KCNJ3: variants seen among roughly 807,000 people sequenced by gnomAD.
The protein encoded by KCNJ3 is G protein-activated inward rectifier potassium channel 1.
A neutral mutation model predicts 39.2 loss-of-function variants in KCNJ3; 4 were observed. The ratio of observed to expected loss-of-function variants is 0.10; its 90% CI spans 0.05 to 0.23. The LOEUF is 0.23. KCNJ3 is among the 10% of genes least tolerant of loss of function. KCNJ3 has a pLI of 1.00. For missense variants in KCNJ3, 276 were observed against 634.9 expected (o/e 0.43, Z 6.08); for synonymous variants, 230 against 237.4 (o/e 0.97, Z 0.29).
intron 2 of KCNJ3, among the ~76,000 whole-genome samples, chr2:154,829,060 G>A (rs539316456): frequency 6.6e-6 from 1 of 152,168 alleles, no homozygotes; most frequent in Admixed American, 6.5e-5. Flanking sequence ...TAAAGTGGAG[G>A]TTAAAAATAT....
At chr2:154,717,393 C>T (rs1280925344) in intron 2 of KCNJ3, among the ~76,000 whole-genome samples, 1 of 152,144 alleles carries the variant, frequency 6.6e-6, no homozygotes, top group Non-Finnish European at 1.5e-5. Context: ...ATGCCTCTGG[C>T]TCCAGGTGGA....
chr2:154,780,459 T>C (rs1686417823), intron 2 of KCNJ3, among the ~76,000 whole-genome samples: 1 of 152,024 alleles, frequency 6.6e-6, no homozygotes, highest in Admixed American at 6.6e-5. Flanking sequence ...GCATTATCAG[T>C]GTGAAGGGTG....
chr2:154,743,014 G>T (rs1685678109), intron 2 of KCNJ3, among the ~76,000 whole-genome samples: 1 of 151,686 alleles, frequency 6.6e-6, no homozygotes, highest in Non-Finnish European at 1.5e-5. Flanking sequence ...TTACATATAG[G>T]TCTTTGATTC....
chr2:154,829,573 T>C (rs1456693743), intron 2 of KCNJ3, among the ~76,000 whole-genome samples: 1 of 152,164 alleles, frequency 6.6e-6, no homozygotes, highest in Non-Finnish European at 1.5e-5. Context: ...CTATTGTGAA[T>C]AGTGCTGCAA....
chr2:154,740,883 G>T (rs1301538262), intron 2 of KCNJ3, among the ~76,000 whole-genome samples: 2 of 151,916 alleles, frequency 1.3e-5, no homozygotes, highest in Non-Finnish European at 2.9e-5. Context: ...TTGCAAATAA[G>T]AGCAGTACCA....
intron 2 of KCNJ3, among the ~76,000 whole-genome samples, chr2:154,744,997 A>G (rs1685715319): frequency 6.6e-6 from 1 of 151,794 alleles, no homozygotes; most frequent in African/African-American, 2.4e-5. Flanking sequence ...CGGACTATTT[A>G]GAAGTATGTT....
chr2:154,751,049 A>G (rs912427764), intron 2 of KCNJ3, among the ~76,000 whole-genome samples: 1 of 151,994 alleles, frequency 6.6e-6, no homozygotes, highest in African/African-American at 2.4e-5. Flanking sequence ...GGTTCGGTGT[A>G]TACTTCTCGG....
rs1309977340 is a variant in KCNJ3, at chr2:154,855,256, G to A, written c.1449G>A (p.Arg483=). 2.5e-6 allele frequency: 4 copies of A among 1,613,550 alleles called. No homozygotes were observed. Among genetic ancestry groups the A allele is most frequent in the East Asian group, 4.5e-5 (2 of 44,782 alleles). ...AAAAGATGGCTGGAGGAGCAGCTAG[G>A]ATGGAAGGGAACCTTCCAGCCAAAT... ...KLQKMAGGAA[R]MEGNLPAKLR... The change falls in exon 3 of 3, where the codon AGG becomes AGA. Residue 483 remains arginine, a synonymous_variant. Transcript: ENST00000295101.
intron 2 of KCNJ3, among the ~76,000 whole-genome samples, chr2:154,801,857 G>A (rs935651360): frequency 2.6e-5 from 4 of 152,056 alleles, no homozygotes; most frequent in Non-Finnish European, 5.9e-5. Context: ...GAACTACTGG[G>A]CTCAAGCGAT....
chr2:154,837,647 A>AATC (rs1176746224), intron 2 of KCNJ3, among the ~76,000 whole-genome samples: 1 of 152,162 alleles, frequency 6.6e-6, no homozygotes, highest in East Asian at 1.9e-4. Context: ...GGAATGCATT[A>AATC]ATCATCTCAT....
chr2:154,851,206 C>A (rs192895454), intron 2 of KCNJ3, among the ~76,000 whole-genome samples: 305 of 152,048 alleles, frequency 2.0e-3, no homozygotes, highest in African/African-American at 7.1e-3. Context: ...CCCACCACTG[C>A]ACTCCAGCCT....
At chr2:154,833,881 T>TTA (rs2105122134) in intron 2 of KCNJ3, among the ~76,000 whole-genome samples, 1 of 152,326 alleles carries the variant, frequency 6.6e-6, no homozygotes, top group African/African-American at 2.4e-5. Flanking sequence ...TATTTTTTTT[T>TTA]ATTACTAAAT....
chr2:154,771,276 G>A lies in KCNJ3; in HGVS notation c.919+61457G>A, dbSNP rs376197308. ...AAAAGCTATTGATTCTGTCCCCCAT[G>A]TAAAACAGGGCTTTTTAATCAATGA... On this transcript the variant is annotated intron_variant, in intron 2 of 2. Coordinates refer to ENST00000295101, the MANE Select transcript of KCNJ3 (RefSeq NM_002239.4). 2.3e-4 allele frequency among the ~76,000 whole-genome samples: 35 copies of A among 152,262 alleles called. No individual in the cohort carries two copies. In the South Asian group the frequency reaches 3.9e-3, roughly 17 times the overall value.
intron 2 of KCNJ3, among the ~76,000 whole-genome samples, chr2:154,757,831 C>A (rs946398755): frequency 6.6e-6 from 1 of 152,110 alleles, no homozygotes; most frequent in Non-Finnish European, 1.5e-5. Flanking sequence ...AGCAAGGGAG[C>A]TCCCTGGAAC....
intron 2 of KCNJ3, among the ~76,000 whole-genome samples, chr2:154,756,343 A>C (rs1685935856): frequency 6.6e-6 from 1 of 152,166 alleles, no homozygotes; most frequent in Non-Finnish European, 1.5e-5. Flanking sequence ...TGTATTATGT[A>C]CTTATGCTCT....
chr2:154,806,538 A>C (rs1686913729), intron 2 of KCNJ3, among the ~76,000 whole-genome samples: 1 of 152,156 alleles, frequency 6.6e-6, no homozygotes, highest in Admixed American at 6.6e-5. Context: ...AGCTAGAAAA[A>C]CTGCTAAGTA....
chr2:154,768,309 T>C (rs1263837637), intron 2 of KCNJ3, among the ~76,000 whole-genome samples: 1 of 152,248 alleles, frequency 6.6e-6, no homozygotes, highest in African/African-American at 2.4e-5. Flanking sequence ...CTAGGGTTTT[T>C]ATGGTTTTAG....
chr2:154,784,371 C>T (rs1686491597), intron 2 of KCNJ3, among the ~76,000 whole-genome samples: 1 of 152,100 alleles, frequency 6.6e-6, no homozygotes, highest in South Asian at 2.1e-4. Context: ...GAATGAAGGA[C>T]AGCCTATTTG....
chr2:154,855,247 A>T lies in KCNJ3; in HGVS notation c.1440A>T (p.Gly480=). 1 of 1,613,812 alleles carries T rather than the reference A, an allele frequency of 6.2e-7. No homozygotes were observed. Among genetic ancestry groups the T allele is most frequent in the Non-Finnish European group, 8.5e-7 (1 of 1,179,932 alleles). Residue 480 remains glycine (G), a synonymous_variant, in exon 3 of 3, where the codon GGA becomes GGT. Transcript: ENST00000295101. ...LPPKLQKMAG[G]AARMEGNLPA... is the part of the protein sequence containing the mutation. Reference sequence around the variant, plus strand: ...CAAAGCTTCAAAAGATGGCTGGAGGAGCAGCTAGGATGGAAGGGAACCTTC... The same window carrying T: ...CAAAGCTTCAAAAGATGGCTGGAGGTGCAGCTAGGATGGAAGGGAACCTTC...
Sources: allele counts gnomAD v4.1 joint callset (sites outside exome capture counted in the v4.1 genomes callset), GRCh38; gene constraint gnomAD v4.1.1; transcripts MANE v1.5; gene names NCBI Gene and HGNC (gene_info 2026-07-23, HGNC 2026-07-21).